The following CIB4 variants were observed in gnomAD, a reference collection of about 807,000 sequenced individuals.
The protein encoded by CIB4 is calcium and integrin-binding family member 4.
CIB4 carries 25 observed loss-of-function variants against 25.8 expected under a neutral mutation model. The ratio of observed to expected loss-of-function variants is 0.97; its 90% CI spans 0.71 to 1.35. The LOEUF is 1.35. Among genes scored for constraint, CIB4 ranks in the 40% most tolerant of loss-of-function variants. CIB4 has a pLI of 0.00. For synonymous variants in CIB4, 75 were observed against 81.4 expected (o/e 0.92, Z 0.42); for missense variants, 235 against 228.2 (o/e 1.03, Z -0.19).
chr2:26,605,308 TA>T (rs374718515), intron 3 of CIB4, among the ~76,000 whole-genome samples: 7,006 of 148,070 alleles, frequency 0.047, 209 homozygotes, highest in South Asian at 0.12. Flanking sequence ...TTTGTTCAAG[TA>T]AAAAAAAAAA....
intron 4 of CIB4, among the ~76,000 whole-genome samples, chr2:26,590,442 C>T (rs1668566391): frequency 6.6e-6 from 1 of 152,062 alleles, no homozygotes; most frequent in Non-Finnish European, 1.5e-5. Context: ...AGCTTCCTGG[C>T]AGTGCTGATA....
At chr2:26,589,866 T>C (rs190129240) in intron 4 of CIB4, among the ~76,000 whole-genome samples, 7 of 152,274 alleles carry the variant, frequency 4.6e-5, no homozygotes, top group African/African-American at 1.7e-4. Context: ...GGACGTACTT[T>C]TGTCCTGATC....
At chr2:26,590,044 G>A (rs994671151) in intron 4 of CIB4, among the ~76,000 whole-genome samples, 1 of 152,092 alleles carries the variant, frequency 6.6e-6, no homozygotes, top group Admixed American at 6.5e-5. Context: ...ACTCTGGACT[G>A]CCTGACTCCA....
intron 3 of CIB4, chr2:26,623,419 G>C (rs1043123384): frequency 7.1e-6 from 3 of 421,708 alleles, no homozygotes; most frequent in African/African-American, 6.1e-5. Context: ...CCTACTTTTA[G>C]GATTTCTTGA....
chr2:26,617,859 G>T (rs939706072), intron 3 of CIB4, among the ~76,000 whole-genome samples: 1 of 152,142 alleles, frequency 6.6e-6, no homozygotes, highest in Non-Finnish European at 1.5e-5. Flanking sequence ...CCTCATCAAC[G>T]GACCAAACCT....
chr2:26,605,904 T>A (rs116131398), intron 3 of CIB4, among the ~76,000 whole-genome samples: 1,778 of 152,308 alleles, frequency 0.012, 42 homozygotes, highest in African/African-American at 0.041. Flanking sequence ...CCATCGAGCA[T>A]TTAATTAACT....
chr2:26,605,205 T>C (rs1668864768), intron 3 of CIB4, among the ~76,000 whole-genome samples: 1 of 152,158 alleles, frequency 6.6e-6, no homozygotes. Flanking sequence ...ACATAACATA[T>C]GAAAATTTGT....
intron 3 of CIB4, among the ~76,000 whole-genome samples, chr2:26,596,930 G>A (rs933532243): frequency 2.6e-5 from 4 of 152,136 alleles, no homozygotes; most frequent in African/African-American, 9.7e-5. Flanking sequence ...TTCCAAATTT[G>A]CTGACCTTTC....
intron 6 of CIB4, among the ~76,000 whole-genome samples, chr2:26,581,962 T>C (rs556843526): frequency 6.6e-6 from 1 of 152,316 alleles, no homozygotes; most frequent in East Asian, 1.9e-4. Flanking sequence ...ACTTGACCAC[T>C]GCAGGGAGGC....
intron 2 of CIB4, among the ~76,000 whole-genome samples, chr2:26,634,057 G>C (rs1669486130): frequency 1.3e-5 from 2 of 152,280 alleles, no homozygotes; most frequent in South Asian, 4.1e-4. Flanking sequence ...TCCCACGTAA[G>C]AATCATGTAG....
chr2:26,628,835 G>A (rs1264333186), intron 3 of CIB4, among the ~76,000 whole-genome samples: 1 of 152,220 alleles, frequency 6.6e-6, no homozygotes, highest in Non-Finnish European at 1.5e-5. Context: ...CTGAGGGACT[G>A]GGCCGATGGC....
intron 2 of CIB4, among the ~76,000 whole-genome samples, chr2:26,633,459 C>T (rs1475848464): frequency 3.3e-5 from 5 of 152,106 alleles, no homozygotes; most frequent in African/African-American, 9.7e-5. Flanking sequence ...TGCTGCCCAC[C>T]CCTAAAGGGC....
intron 3 of CIB4, among the ~76,000 whole-genome samples, chr2:26,604,260 G>T (rs1328537236): frequency 6.6e-6 from 1 of 152,008 alleles, no homozygotes; most frequent in Non-Finnish European, 1.5e-5. Context: ...CACGCCTGCA[G>T]TCCCAGCCAC....
At chr2:26,615,477 G>T (rs1669074798) in intron 3 of CIB4, among the ~76,000 whole-genome samples, 1 of 152,182 alleles carries the variant, frequency 6.6e-6, no homozygotes. Context: ...GGTCATCCAT[G>T]CCCCGCCCTT....
At chr2:26,611,546 A>G (rs1468640097) in intron 3 of CIB4, among the ~76,000 whole-genome samples, 3 of 152,236 alleles carry the variant, frequency 2.0e-5, no homozygotes, top group African/African-American at 7.2e-5. Flanking sequence ...CATACTCAGT[A>G]TAATTATCAT....
At chr2:26,639,873 G>A (rs1669602663) in intron 2 of CIB4, among the ~76,000 whole-genome samples, 1 of 152,066 alleles carries the variant, frequency 6.6e-6, no homozygotes. Flanking sequence ...CATCTAACAG[G>A]TTTTGTTGGG....
intron 2 of CIB4, among the ~76,000 whole-genome samples, chr2:26,633,549 T>A (rs369036173): frequency 6.6e-6 from 1 of 152,094 alleles, no homozygotes; most frequent in Non-Finnish European, 1.5e-5. Flanking sequence ...GGTGCCTGCC[T>A]GGAGTTGGTG....
At chr2:26,621,939 A>G (rs1669211033) in intron 3 of CIB4, among the ~76,000 whole-genome samples, 1 of 152,248 alleles carries the variant, frequency 6.6e-6, no homozygotes. Context: ...TTCAATGAAA[A>G]GTACATAGAC....
At chr2:26,598,648 G>A (rs577563527) in intron 3 of CIB4, among the ~76,000 whole-genome samples, 11 of 152,260 alleles carry the variant, frequency 7.2e-5, no homozygotes, top group Admixed American at 2.6e-4. Context: ...AGTATAGTTC[G>A]CTGTAAGGCC....
Sources: allele counts gnomAD v4.1 joint callset (sites outside exome capture counted in the v4.1 genomes callset), GRCh38; gene constraint gnomAD v4.1.1; transcripts MANE v1.5; gene names NCBI Gene and HGNC (gene_info 2026-07-23, HGNC 2026-07-21).